The following TYW1B variants were observed in gnomAD, a reference collection of about 807,000 sequenced individuals.
TYW1B encodes tRNA-yW synthesizing protein 1 homolog B.
Under a neutral mutation model 86.9 loss-of-function variants are expected in TYW1B, and 73 were observed. The observed-to-expected ratio is 0.84, with a 90% CI of 0.70 to 1.02. TYW1B has a LOEUF of 1.02. Among genes scored for constraint, TYW1B ranks in the 50% least tolerant of loss-of-function variants. The pLI is 0.00. For synonymous variants in TYW1B, 248 were observed against 292.8 expected, an observed-to-expected ratio of 0.85 and a Z score of 1.56; for missense variants, 637 against 827.4, an observed-to-expected ratio of 0.77 and a Z score of 2.82.
chr7:72,720,610 A>G (rs1786877224), intron 9 of TYW1B, among the ~76,000 whole-genome samples: 1 of 152,126 alleles, frequency 6.6e-6, no homozygotes, highest in Non-Finnish European at 1.5e-5. Flanking sequence ...CCTTCCTAAG[A>G]GCATGTTTCT....
intron 11 of TYW1B, among the ~76,000 whole-genome samples, chr7:72,675,867 T>C (rs1353966325): frequency 6.6e-6 from 1 of 152,184 alleles, no homozygotes; most frequent in Non-Finnish European, 1.5e-5. Flanking sequence ...AATAATGTAA[T>C]AGTTTCATAA....
At chr7:72,657,025 G>A (rs184335523) in intron 11 of TYW1B, among the ~76,000 whole-genome samples, 251 of 152,190 alleles carry the variant, frequency 1.6e-3, no homozygotes, top group Non-Finnish European at 2.8e-3. Flanking sequence ...AAGGAAAATC[G>A]TAATTCTCCA....
chr7:72,758,731 C>T (rs1309919647), intron 7 of TYW1B, among the ~76,000 whole-genome samples: 1 of 152,048 alleles, frequency 6.6e-6, no homozygotes, highest in Non-Finnish European at 1.5e-5. Flanking sequence ...ATCACACATC[C>T]CTCTTGGGAT....
chr7:72,734,123 T>C (rs1554460443), intron 8 of TYW1B, among the ~76,000 whole-genome samples: 2 of 151,792 alleles, frequency 1.3e-5, no homozygotes, highest in Non-Finnish European at 2.9e-5. Flanking sequence ...CCAGGAGTGG[T>C]GGCAGGCACC....
rs558117327 is a variant in TYW1B at position 72,744,945 on chromosome 7, G to A, written c.965-344C>T. ...AGATAAAACAGACTCCTAAAAAATG[G>A]GGGCTGTCTGCCTATGCAAGCATAT... On this transcript the variant is annotated intron_variant, in intron 7 of 13. Transcript: ENST00000620995. Among the ~76,000 whole-genome samples the A allele has an allele frequency of 2.0e-5, 3 of 152,284 alleles. 1 individual carries two copies. The South Asian group carries it at 6.2e-4, about 32-fold the overall frequency.
At chr7:72,812,526 T>C (rs1788639848) in intron 3 of TYW1B, among the ~76,000 whole-genome samples, 1 of 152,132 alleles carries the variant, frequency 6.6e-6, no homozygotes, top group Non-Finnish European at 1.5e-5. Flanking sequence ...GTATCAAAGT[T>C]TGCTAATAAT....
chr7:72,592,707 AT>A (rs1264488286), intron 13 of TYW1B, among the ~76,000 whole-genome samples: 2 of 152,236 alleles, frequency 1.3e-5, no homozygotes, highest in African/African-American at 2.4e-5. Flanking sequence ...GGAAAAAGGT[AT>A]TCCATGCAAA....
intron 13 of TYW1B, among the ~76,000 whole-genome samples, chr7:72,584,111 A>G (rs1811219028): frequency 6.6e-6 from 1 of 152,214 alleles, no homozygotes; most frequent in Admixed American, 6.5e-5. Flanking sequence ...CAGTTGTGCA[A>G]TCATAGCTCA....
At chr7:72,828,049 C>G (rs781858488) in intron 1 of TYW1B, 23 bp downstream of exon 1, 2 of 1,613,854 alleles carry the variant, frequency 1.2e-6, no homozygotes, top group Non-Finnish European at 1.7e-6. Context: ...GCCCCAGGGT[C>G]CTTGCCCGCC....
At chr7:72,606,574 C>T (rs1254622439) in intron 13 of TYW1B, among the ~76,000 whole-genome samples, 1 of 149,232 alleles carries the variant, frequency 6.7e-6, no homozygotes, top group African/African-American at 2.5e-5. Flanking sequence ...TAGTGGAGAA[C>T]CAGGACTTCT....
intron 11 of TYW1B, among the ~76,000 whole-genome samples, chr7:72,658,391 A>G (rs1554444002): frequency 2.0e-5 from 3 of 152,252 alleles, no homozygotes; most frequent in Admixed American, 2.0e-4. Flanking sequence ...AAACAAAAAA[A>G]GCAACTTGTA....
intron 7 of TYW1B, among the ~76,000 whole-genome samples, chr7:72,757,319 G>C (rs550187672): frequency 2.3e-4 from 33 of 145,756 alleles, no homozygotes; most frequent in African/African-American, 8.1e-4. Context: ...AGTGAGCCAA[G>C]ATCGCACCAC....
At position 72,575,101 on chromosome 7, in the gene TYW1B, C is replaced by T; in HGVS notation, c.*397G>A. 1 of 1,042,366 alleles carries T rather than the reference C, an allele frequency of 9.6e-7. No individual in the cohort carries two copies. 64.6% of individuals were successfully genotyped at this position (1,042,366 alleles called of 1,614,324 possible). On this transcript the variant is annotated 3_prime_UTR_variant, in exon 14 of 14. Coordinates refer to ENST00000620995, the MANE Select transcript of TYW1B (RefSeq NM_001145440.3). ...AGTGCAATTCAATGCTAAGTGGCTG[C>T]TCCATGAAATCCAAGGGCCAGGTGA... is the stretch of plus-strand genomic sequence containing the variant.
At chr7:72,727,727 T>A (rs1423316550) in intron 9 of TYW1B, among the ~76,000 whole-genome samples, 39 of 143,146 alleles carry the variant, frequency 2.7e-4, no homozygotes, top group African/African-American at 9.5e-4. Context: ...GGTGGGAGGA[T>A]CATCTGAGCC....
At chr7:72,813,462 C>T (rs1360632046) in intron 3 of TYW1B, among the ~76,000 whole-genome samples, 1 of 152,198 alleles carries the variant, frequency 6.6e-6, no homozygotes, top group African/African-American at 2.4e-5. Context: ...AGGCGTGGGC[C>T]ACCACGCCCA....
chr7:72,726,833 G>A (rs1323221506), intron 9 of TYW1B, among the ~76,000 whole-genome samples: 4 of 152,204 alleles, frequency 2.6e-5, no homozygotes, highest in Admixed American at 6.6e-5. Context: ...TGATTGACTC[G>A]CAGTTCAGCA....
intron 11 of TYW1B, among the ~76,000 whole-genome samples, chr7:72,663,868 G>A (rs1291085252): frequency 1.3e-5 from 2 of 148,292 alleles, no homozygotes; most frequent in Non-Finnish European, 3.0e-5. Context: ...TTAATCTTAC[G>A]ACACTCTGTT....
chr7:72,591,197 T>C (rs1299880378), intron 13 of TYW1B, among the ~76,000 whole-genome samples: 2 of 149,678 alleles, frequency 1.3e-5, no homozygotes, highest in East Asian at 1.9e-4. Context: ...TAAGGGACCA[T>C]GAACACCATC....
intron 11 of TYW1B, among the ~76,000 whole-genome samples, chr7:72,690,185 C>A (rs1182367501): frequency 1.3e-5 from 2 of 152,206 alleles, no homozygotes; most frequent in Non-Finnish European, 2.9e-5. Context: ...CAGTTTACTA[C>A]TGGATCTTGA....
Sources: allele counts gnomAD v4.1 joint callset (sites outside exome capture counted in the v4.1 genomes callset), GRCh38; gene constraint gnomAD v4.1.1; transcripts MANE v1.5; gene names NCBI Gene and HGNC (gene_info 2026-07-23, HGNC 2026-07-21).